Variants in TENM3 observed in about 807,000 individuals in gnomAD.
TENM3 encodes the protein teneurin transmembrane protein 3, also known as teneurin-3.
Under a neutral mutation model 255.1 loss-of-function variants are expected in TENM3, and 63 were observed. That is an observed-to-expected ratio of 0.25 (90% CI 0.20 to 0.30). The LOEUF is 0.30. Ranked by LOEUF, TENM3 falls within the 10% of genes least tolerant of loss-of-function variation. The probability of loss-of-function intolerance (pLI) is 1.00; values close to 1 mark genes in which losing one functional copy is unlikely to be tolerated. For missense variants in TENM3, 2,929 were observed against 3,461.1 expected (o/e 0.85, Z 3.86); for synonymous variants, 1,306 against 1,322.3 (o/e 0.99, Z 0.27).
intron 3 of TENM3, among the ~76,000 whole-genome samples, chr4:182,424,768 G>T (rs1045518462): frequency 6.6e-6 from 1 of 152,148 alleles, no homozygotes; most frequent in Non-Finnish European, 1.5e-5. Context: ...ATTATTTTAT[G>T]ATTGTTTTAA....
chr4:182,258,307 T>C (rs1210728500), intron 1 of TENM3, among the ~76,000 whole-genome samples: 1 of 152,230 alleles, frequency 6.6e-6, no homozygotes, highest in East Asian at 1.9e-4. Flanking sequence ...CCAAACAATT[T>C]ATATGAACTG....
rs530188974 is a variant in TENM3, at chr4:182,450,403, G to GT, written c.511+103484dup. Among the ~76,000 whole-genome samples, 889 of 149,010 alleles carry GT rather than the reference G, an allele frequency of 6.0e-3. 7 individuals are homozygous for GT. The highest frequency in any genetic ancestry group is 7.9e-3 in the Non-Finnish European group (531 of 66,954). ...CTGTGCCCCACATTGTTTTGTTTTT[G>GT]TTTTTTTTTTCCAGCGGACTCCCAG... On this transcript the variant is annotated intron_variant, in intron 3 of 27. Transcript: ENST00000511685.
the TENM3 span, among the ~76,000 whole-genome samples, chr4:181,958,322 T>C: frequency 2.6e-5 from 4 of 152,240 alleles, no homozygotes; most frequent in African/African-American, 9.6e-5. Context: ...GATTTTCAGG[T>C]CTTTTTGTTT....
the TENM3 span, among the ~76,000 whole-genome samples, chr4:181,605,584 G>GAGA: frequency 1.2e-4 from 8 of 69,182 alleles, no homozygotes; most frequent in South Asian, 4.3e-4. Context: ...GAGAAAGAAA[G>GAGA]GAAAGAAAGA....
At chr4:182,192,416 T>C (rs1753581140) in intron 1 of TENM3, among the ~76,000 whole-genome samples, 1 of 152,228 alleles carries the variant, frequency 6.6e-6, no homozygotes, top group Non-Finnish European at 1.5e-5. Context: ...CACTTTTCAG[T>C]ATTTGTTTAT....
At chr4:181,475,483 G>A in the TENM3 span, among the ~76,000 whole-genome samples, 6 of 152,158 alleles carry the variant, frequency 3.9e-5, no homozygotes, top group Non-Finnish European at 7.3e-5. Context: ...CCTCTGTGGC[G>A]TATTTGAGAT....
rs570212986 is a variant in TENM3 at position 182,719,808 on chromosome 4, C to T, written c.2368+5575C>T. On this transcript the variant is annotated intron_variant, in intron 13 of 27. Coordinates refer to ENST00000511685, the MANE Select transcript of TENM3 (RefSeq NM_001080477.4). ...GGGTGCAGTGGCTCATACCTGTAAT[C>T]CTATCATTTAGGGAGGCTGAGGCAG... 1.5e-4 allele frequency among the ~76,000 whole-genome samples: 23 copies of T among 152,242 alleles called. No individual in the cohort carries two copies. In the South Asian group the frequency reaches 4.2e-3, roughly 28 times the overall value.
the TENM3 span, among the ~76,000 whole-genome samples, chr4:181,765,530 A>G: frequency 6.6e-6 from 1 of 152,232 alleles, no homozygotes; most frequent in Non-Finnish European, 1.5e-5. Flanking sequence ...TTACATATAG[A>G]AAAACATAAC....
chr4:181,816,533 G>C, the TENM3 span, among the ~76,000 whole-genome samples: 2 of 152,092 alleles, frequency 1.3e-5, no homozygotes, highest in African/African-American at 4.8e-5. Context: ...CAACATATAT[G>C]AAACTGGTTT....
the TENM3 span, among the ~76,000 whole-genome samples, chr4:181,680,653 A>G: frequency 2.0e-5 from 3 of 152,286 alleles, no homozygotes; most frequent in Admixed American, 6.5e-5. Flanking sequence ...GAGTAAAGGT[A>G]TCATAATAAG....
intron 1 of TENM3, among the ~76,000 whole-genome samples, chr4:182,291,113 G>T (rs1213870622): frequency 2.6e-5 from 4 of 152,156 alleles, no homozygotes; most frequent in African/African-American, 9.7e-5. Context: ...GAGCCACCAT[G>T]CCTGGCCAAA....
chr4:181,821,268 T>C, the TENM3 span, among the ~76,000 whole-genome samples: 3 of 152,262 alleles, frequency 2.0e-5, no homozygotes, highest in South Asian at 2.1e-4. Flanking sequence ...GGCCCTCTCG[T>C]CCAGGCATAG....
At chr4:182,299,044 G>A (rs7340820) in intron 1 of TENM3, among the ~76,000 whole-genome samples, 26,091 of 132,136 alleles carry the variant, frequency 0.2, 3,026 homozygotes, top group Middle Eastern at 0.33. Context: ...ACTGCAGATT[G>A]AGAAATGAAG....
At chr4:182,594,523 C>G (rs566802642) in intron 3 of TENM3, among the ~76,000 whole-genome samples, 11 of 152,236 alleles carry the variant, frequency 7.2e-5, no homozygotes, top group African/African-American at 2.4e-4. Flanking sequence ...AGACCTGTCT[C>G]TAAATAAATC....
At chr4:182,751,694 T>C in intron 19 of TENM3, 106 bp from the exon 20 acceptor site, 1 of 773,654 alleles carries the variant, frequency 1.3e-6, no homozygotes, top group Non-Finnish European at 2.3e-6. Flanking sequence ...GATCATGGAT[T>C]CCAGACTATA....
At position 182,754,529 on chromosome 4, in the gene TENM3, G is replaced by A. The variant is rs773707436; in HGVS notation, c.4162G>A (p.Gly1388Arg). The A allele has an allele frequency of 2.7e-5, 44 of 1,613,904 alleles. No homozygotes were observed. The highest frequency in any genetic ancestry group is 3.6e-5 in the Non-Finnish European group (42 of 1,179,850). Residue 1388 changes from glycine (G) to arginine (R), a missense_variant, in exon 22 of 28, where the codon GGA becomes AGA. Gly to Arg is a moderately radical substitution (Grantham distance 125, BLOSUM62 -2). Coordinates refer to ENST00000511685, the MANE Select transcript of TENM3 (RefSeq NM_001080477.4). The surrounding 1 kb of genome is among the most constrained non-coding windows in gnomAD (Gnocchi z 5.1). Reference sequence around the variant, plus strand: ...ACGGCCCATGCACTGTCAGGTTCCCGGAGTGGAATATCCTGTGGGGAAGCA... The same window carrying A: ...ACGGCCCATGCACTGTCAGGTTCCCAGAGTGGAATATCCTGTGGGGAAGCA... Reference protein sequence around the residue: ...AGRPMHCQVPGVEYPVGKHAV... With the variant: ...AGRPMHCQVPRVEYPVGKHAV...
chr4:182,140,413 C>G (rs1344550195), upstream of TENM3, among the ~76,000 whole-genome samples: 2 of 152,132 alleles, frequency 1.3e-5, no homozygotes, highest in South Asian at 2.1e-4. Flanking sequence ...TGAGATTTGG[C>G]TCCCCTGGTC....
intron 1 of TENM3, among the ~76,000 whole-genome samples, chr4:182,317,460 TG>T (rs1762813317): frequency 6.8e-6 from 1 of 147,810 alleles, no homozygotes; most frequent in Admixed American, 6.8e-5. Flanking sequence ...CCACTGTGCC[TG>T]TTTTTTTTTG....
At chr4:182,635,808 T>C (rs1402435440) in intron 5 of TENM3, among the ~76,000 whole-genome samples, 2 of 152,204 alleles carry the variant, frequency 1.3e-5, no homozygotes, top group Non-Finnish European at 2.9e-5. Context: ...TTAGCAGTTA[T>C]CTGTCCTACT....
Sources: allele counts gnomAD v4.1 joint callset (sites outside exome capture counted in the v4.1 genomes callset), GRCh38; gene constraint gnomAD v4.1.1; non-coding constraint Gnocchi (gnomAD v3.1); transcripts MANE v1.5; gene names NCBI Gene and HGNC (gene_info 2026-07-23, HGNC 2026-07-21).